NRXN1: variants seen among roughly 807,000 people sequenced by gnomAD.
NRXN1 encodes neurexin 1, also known as neurexin-1.
Under a neutral mutation model 150.9 loss-of-function variants are expected in NRXN1, and 39 were observed. That is an observed-to-expected ratio of 0.26 (90% CI 0.20 to 0.34). NRXN1 has a LOEUF of 0.34. NRXN1 is among the 10% of genes least tolerant of loss of function. The probability of loss-of-function intolerance (pLI) is 1.00; values close to 1 mark genes in which losing one functional copy is unlikely to be tolerated. For synonymous variants in NRXN1, 924 were observed against 757.0 expected (o/e 1.22, Z -3.62); for missense variants, 1,815 against 1,949.9 (o/e 0.93, Z 1.30).
intron 21 of NRXN1, among the ~76,000 whole-genome samples, chr2:50,049,990 A>G (rs1692440359): frequency 6.6e-6 from 1 of 152,038 alleles, no homozygotes; most frequent in African/African-American, 2.4e-5. Context: ...AATTTTATAA[A>G]TTTTATGTAA....
At chr2:50,379,307 T>C (rs761691512) in intron 17 of NRXN1, among the ~76,000 whole-genome samples, 1 of 152,084 alleles carries the variant, frequency 6.6e-6, no homozygotes, top group Non-Finnish European at 1.5e-5. Flanking sequence ...CTGACACACA[T>C]ATATTTTCCT....
intron 5 of NRXN1, among the ~76,000 whole-genome samples, chr2:50,752,406 T>G (rs1422713654): frequency 6.6e-6 from 1 of 151,938 alleles, no homozygotes; most frequent in East Asian, 1.9e-4. Flanking sequence ...AAATGATGTC[T>G]GGACAACTGA....
At chr2:50,750,249 T>C (rs1203250801) in intron 5 of NRXN1, among the ~76,000 whole-genome samples, 1 of 152,096 alleles carries the variant, frequency 6.6e-6, no homozygotes, top group African/African-American at 2.4e-5. Context: ...AGAGCCCTCA[T>C]CTGACCTGTA....
At chr2:51,012,229 TA>T (rs1167027835) in intron 2 of NRXN1, among the ~76,000 whole-genome samples, 3 of 152,140 alleles carry the variant, frequency 2.0e-5, no homozygotes, top group East Asian at 3.9e-4. Context: ...AGTCTTTTTT[TA>T]AAAAAACTTA....
chr2:50,748,930 A>G (rs1023849643), intron 5 of NRXN1, among the ~76,000 whole-genome samples: 3 of 152,126 alleles, frequency 2.0e-5, no homozygotes, highest in Admixed American at 2.0e-4. Flanking sequence ...TAATGTTAAA[A>G]GTCCAAAAAA....
intron 21 of NRXN1, among the ~76,000 whole-genome samples, chr2:49,967,965 T>G (rs1677243580): frequency 6.6e-6 from 1 of 152,048 alleles, no homozygotes; most frequent in Non-Finnish European, 1.5e-5. Context: ...CCCATAATTC[T>G]TCACCATATT....
rs144247484 is a variant in NRXN1 at position 50,457,074 on chromosome 2, G to T, written c.3364+8368C>A. 2.9e-4 allele frequency among the ~76,000 whole-genome samples: 44 copies of T among 152,160 alleles called. No individual in the cohort carries two copies. In the East Asian group the frequency reaches 8.1e-3, roughly 28 times the overall value. Reference sequence around the variant, plus strand: ...TATTATTTTTGAGAAACTCAGAAAGGCTGTCATGGAAAAATCACAGAAAAT... The same window carrying T: ...TATTATTTTTGAGAAACTCAGAAAGTCTGTCATGGAAAAATCACAGAAAAT... On this transcript the variant is annotated intron_variant, in intron 17 of 22. Transcript: ENST00000401669.
chr2:50,163,146 G>C (rs2059459761), intron 18 of NRXN1, among the ~76,000 whole-genome samples: 1 of 133,750 alleles, frequency 7.5e-6, no homozygotes, highest in Non-Finnish European at 1.6e-5. Context: ...AACAGTTATA[G>C]ATCTATCAAT....
intron 18 of NRXN1, among the ~76,000 whole-genome samples, chr2:50,195,134 C>G (rs532690888): frequency 1.3e-5 from 2 of 152,148 alleles, no homozygotes; most frequent in Non-Finnish European, 2.9e-5. Context: ...GATTGGTCAG[C>G]AGTTCTTTTC....
chr2:50,084,339 T>C (rs13013562), intron 19 of NRXN1, among the ~76,000 whole-genome samples: 48,478 of 152,036 alleles, frequency 0.32, 8,563 homozygotes, highest in African/African-American at 0.44. Flanking sequence ...GACTGCAGGT[T>C]CCGAGCCCTG....
In NRXN1 at chr2:50,620,622, A is replaced by C. The variant is rs1035871202; in HGVS notation, c.1159-439T>G. ...ATAAAAGGCGCAAGCTATTTCCAGC[A>C]ACATCACTATTTGCACTATTGAGCA... On this transcript the variant is annotated intron_variant, in intron 7 of 22. Transcript: ENST00000401669. Among the ~76,000 whole-genome samples the C allele has an allele frequency of 2.6e-5, 4 of 152,272 alleles. No homozygotes were observed. In the South Asian group the frequency reaches 6.2e-4, roughly 24 times the overall value.
rs190340840 is a variant in NRXN1 at position 50,082,194 on chromosome 2, A to C, written c.3718+9129T>G. Among the ~76,000 whole-genome samples the C allele has an allele frequency of 1.8e-3, 269 of 152,322 alleles. 1 individual carries two copies. Among genetic ancestry groups the C allele is most frequent in the African/African-American group, 5.7e-3 (238 of 41,580 alleles). Reference sequence around the variant, plus strand: ...GATTAATTCATTTTTTGTAACCAGTAGTTAGATTCATTAACCTGATTACCC... The same window carrying C: ...GATTAATTCATTTTTTGTAACCAGTCGTTAGATTCATTAACCTGATTACCC... On this transcript the variant is annotated intron_variant, in intron 19 of 22. Coordinates refer to ENST00000401669, the MANE Select transcript of NRXN1 (RefSeq NM_001330078.2).
intron 18 of NRXN1, among the ~76,000 whole-genome samples, chr2:50,156,639 GA>G (rs1038698843): frequency 3.3e-5 from 5 of 151,668 alleles, no homozygotes; most frequent in African/African-American, 9.7e-5. Context: ...AGTGAAAAAA[GA>G]AAAAAATAAA....
intron 5 of NRXN1, among the ~76,000 whole-genome samples, chr2:50,891,182 C>T (rs1235745576): frequency 6.6e-6 from 1 of 151,974 alleles, no homozygotes; most frequent in Non-Finnish European, 1.5e-5. Context: ...ATGCTTCTGT[C>T]TTTCAATAGT....
chr2:49,930,327 G>GGGAAATATC (rs889414192), intron 22 of NRXN1, among the ~76,000 whole-genome samples: 1 of 152,082 alleles, frequency 6.6e-6, no homozygotes, highest in Non-Finnish European at 1.5e-5. Context: ...TGACAAAGGA[G>GGGAAATATC]GGAAATATCT....
chr2:50,563,098 T>A lies in NRXN1; in HGVS notation c.1321-10073A>T, dbSNP rs945319985. ...CTGAATATTTTTAAATGACCATAAC[T>A]TATAAATTTTTTTGTCTTCTGTATT... On this transcript the variant is annotated intron_variant, in intron 8 of 22. Coordinates refer to ENST00000401669, the MANE Select transcript of NRXN1 (RefSeq NM_001330078.2). Among the ~76,000 whole-genome samples the A allele has an allele frequency of 6.6e-5, 10 of 152,212 alleles. No homozygotes were observed. The South Asian group carries it at 1.0e-3, about 16-fold the overall frequency.
At position 50,346,821 on chromosome 2, in the gene NRXN1, G is replaced by C. The variant is rs761310068; in HGVS notation, c.3365-109851C>G. On this transcript the variant is annotated intron_variant, in intron 17 of 22. Transcript: ENST00000401669. The surrounding 1 kb of genome is among the most constrained non-coding windows in gnomAD (Gnocchi z 5.0). The stretch of plus-strand genomic sequence containing the variant: ...ATGCCCCCCACGCCACTCCTAGGAG[G>C]CCGCTGAGGGTGAGCGGGACTATCC... 6.2e-7 allele frequency: 1 copy of C among 1,612,474 alleles called. No individual in the cohort carries two copies. Among genetic ancestry groups the C allele is most frequent in the African/African-American group, 1.3e-5 (1 of 74,992 alleles).
chr2:50,009,959 C>A lies in NRXN1; in HGVS notation c.4128+43312G>T, dbSNP rs1685383808. On this transcript the variant is annotated intron_variant, in intron 21 of 22. Coordinates refer to ENST00000401669, the MANE Select transcript of NRXN1 (RefSeq NM_001330078.2). ...CTGAGGCATAATCTAGGTTTGTGGG[C>A]CATTATTCTAATTTGTAATAGGATT... 2.6e-5 allele frequency among the ~76,000 whole-genome samples: 4 copies of A among 152,002 alleles called. No individual in the cohort carries two copies. The South Asian group carries it at 6.2e-4, about 24-fold the overall frequency.
chr2:50,313,013 G>T (rs1265297955), intron 17 of NRXN1, among the ~76,000 whole-genome samples: 1 of 151,876 alleles, frequency 6.6e-6, no homozygotes, highest in African/African-American at 2.4e-5. Flanking sequence ...TATATATCAA[G>T]AAATAAGTTA....
Sources: allele counts gnomAD v4.1 joint callset (sites outside exome capture counted in the v4.1 genomes callset), GRCh38; gene constraint gnomAD v4.1.1; non-coding constraint Gnocchi (gnomAD v3.1); transcripts MANE v1.5; gene names NCBI Gene and HGNC (gene_info 2026-07-23, HGNC 2026-07-21).